Variants in TMEM132D observed in about 807,000 individuals in gnomAD.
The protein encoded by TMEM132D is transmembrane protein 132D, also known as mature OL transmembrane protein.
Under a neutral mutation model 62.3 loss-of-function variants are expected in TMEM132D, and 21 were observed. The observed-to-expected ratio is 0.34, with a 90% confidence interval of 0.24 to 0.49. The LOEUF is 0.49. Ranked by LOEUF, TMEM132D falls within the 20% of genes least tolerant of loss-of-function variation. The pLI, the probability that TMEM132D is intolerant of heterozygous loss-of-function variation, is 0.99. For missense variants in TMEM132D, 1,346 were observed against 1,402.8 expected (o/e 0.96, Z 0.65); for synonymous variants, 621 against 575.6 (o/e 1.08, Z -1.13).
chr12:129,341,412 T>G (rs1275857029), intron 3 of TMEM132D, among the ~76,000 whole-genome samples: 1 of 152,166 alleles, frequency 6.6e-6, no homozygotes, highest in Admixed American at 6.5e-5. Context: ...TGGAGGAACT[T>G]TACAAATAAA....
intron 1 of TMEM132D, among the ~76,000 whole-genome samples, chr12:129,794,902 AT>A (rs1200559893): frequency 1.8e-4 from 27 of 152,192 alleles, no homozygotes; most frequent in African/African-American, 6.3e-4. Context: ...ATGCACATAT[AT>A]GCATTTCCGG....
chr12:129,511,590 G>A (rs1021657313), intron 3 of TMEM132D, among the ~76,000 whole-genome samples: 1 of 152,174 alleles, frequency 6.6e-6, no homozygotes, highest in African/African-American at 2.4e-5. Flanking sequence ...ACAGCCAAAG[G>A]TGCTGGGAGT....
chr12:129,370,446 G>A (rs930805877), intron 3 of TMEM132D, among the ~76,000 whole-genome samples: 3 of 152,164 alleles, frequency 2.0e-5, no homozygotes, highest in Non-Finnish European at 2.9e-5. Context: ...GGTGGGAGGC[G>A]GGAGGCTGGG....
chr12:129,630,383 C>A (rs1390072555), intron 2 of TMEM132D, among the ~76,000 whole-genome samples: 1 of 151,970 alleles, frequency 6.6e-6, no homozygotes, highest in Non-Finnish European at 1.5e-5. Context: ...GATGGGTAGC[C>A]AAGGAGTATT....
intron 1 of TMEM132D, among the ~76,000 whole-genome samples, chr12:129,890,658 C>T (rs1976660): frequency 0.035 from 5,295 of 152,250 alleles, 307 homozygotes; most frequent in African/African-American, 0.12. Context: ...ACGCAATCAG[C>T]GAATTCTTCT....
intron 3 of TMEM132D, among the ~76,000 whole-genome samples, chr12:129,515,875 C>T (rs1015285677): frequency 4.6e-5 from 7 of 152,162 alleles, no homozygotes; most frequent in South Asian, 4.1e-4. Flanking sequence ...TGAAGGCTCC[C>T]GTGACATGTA....
intron 5 of TMEM132D, among the ~76,000 whole-genome samples, chr12:129,171,525 A>G (rs139564131): frequency 6.6e-6 from 1 of 152,254 alleles, no homozygotes; most frequent in African/African-American, 2.4e-5. Flanking sequence ...GCTCAGGCCC[A>G]TCAGAGGAAT....
intron 1 of TMEM132D, among the ~76,000 whole-genome samples, chr12:129,848,761 T>A (rs1873442927): frequency 6.6e-6 from 1 of 152,222 alleles, no homozygotes; most frequent in Admixed American, 6.5e-5. Flanking sequence ...GATTGATTCT[T>A]GGAGTCTCTT....
chr12:129,638,691 C>T (rs940201690), intron 2 of TMEM132D, among the ~76,000 whole-genome samples: 1 of 151,236 alleles, frequency 6.6e-6, no homozygotes, highest in Non-Finnish European at 1.5e-5. Flanking sequence ...CTGCAGTTTC[C>T]GGTATCATCA....
At chr12:129,539,065 G>A (rs1202547040) in intron 2 of TMEM132D, among the ~76,000 whole-genome samples, 2 of 152,032 alleles carry the variant, frequency 1.3e-5, no homozygotes, top group African/African-American at 4.8e-5. Flanking sequence ...TGGATGTCAG[G>A]AAGAGACCAT....
At chr12:129,879,527 C>T (rs901955400) in intron 1 of TMEM132D, among the ~76,000 whole-genome samples, 12 of 152,222 alleles carry the variant, frequency 7.9e-5, no homozygotes, top group East Asian at 1.9e-4. Context: ...CGAGAAGAAA[C>T]GTGAGTAATG....
chr12:129,436,023 AC>A (rs374609269), intron 3 of TMEM132D, among the ~76,000 whole-genome samples: 8 of 152,090 alleles, frequency 5.3e-5, no homozygotes, highest in African/African-American at 1.9e-4. Flanking sequence ...AATATGGATG[AC>A]TCAACTGACA....
intron 2 of TMEM132D, among the ~76,000 whole-genome samples, chr12:129,582,639 G>A (rs542137751): frequency 3.5e-5 from 5 of 141,816 alleles, no homozygotes; most frequent in African/African-American, 1.1e-4. Context: ...TTTTTTTTGA[G>A]ACAGAGTCTC....
chr12:129,229,290 T>A (rs970112989), intron 4 of TMEM132D, among the ~76,000 whole-genome samples: 5 of 152,384 alleles, frequency 3.3e-5, no homozygotes, highest in Middle Eastern at 3.4e-3. Context: ...GACAATATGA[T>A]GCTGTTGAGT....
At chr12:129,629,356 ATC>A (rs1273201775) in intron 2 of TMEM132D, among the ~76,000 whole-genome samples, 2 of 152,184 alleles carry the variant, frequency 1.3e-5, no homozygotes, top group Non-Finnish European at 2.9e-5. Flanking sequence ...TTTATTCACC[ATC>A]TCTGTTTTTG....
chr12:129,581,115 A>C (rs909153215), intron 2 of TMEM132D, among the ~76,000 whole-genome samples: 1 of 152,162 alleles, frequency 6.6e-6, no homozygotes, highest in Non-Finnish European at 1.5e-5. Flanking sequence ...TCCCTCTATT[A>C]GTTCCCTCGA....
intron 3 of TMEM132D, among the ~76,000 whole-genome samples, chr12:129,403,450 A>G (rs1029338682): frequency 3.3e-5 from 5 of 151,786 alleles, no homozygotes; most frequent in African/African-American, 1.2e-4. Context: ...TGGAGTGAGT[A>G]GGAAACGGCA....
rs1371256558 is a variant in TMEM132D at position 129,686,343 on chromosome 12, A to C, written c.968+13467T>G. Among the ~76,000 whole-genome samples the C allele has an allele frequency of 5.9e-5, 9 of 152,120 alleles. 1 individual carries two copies. Among genetic ancestry groups the C allele is most frequent in the Admixed American group, 5.9e-4 (9 of 15,276 alleles). On this transcript the variant is annotated intron_variant, in intron 2 of 8. Coordinates refer to ENST00000422113, the MANE Select transcript of TMEM132D (RefSeq NM_133448.3). ...CCATGCTGCTATTCTCATGATAGTGAGTGAGTTCTCATGAGATCTGATGGT... is the reference window on the plus strand; with the variant it reads ...CCATGCTGCTATTCTCATGATAGTGCGTGAGTTCTCATGAGATCTGATGGT...
At chr12:129,359,263 C>G (rs1404551602) in intron 3 of TMEM132D, among the ~76,000 whole-genome samples, 1 of 151,724 alleles carries the variant, frequency 6.6e-6, no homozygotes, top group Non-Finnish European at 1.5e-5. Context: ...GGGGCTGGGC[C>G]GGGGGACAAT....
Sources: allele counts gnomAD v4.1 joint callset (sites outside exome capture counted in the v4.1 genomes callset), GRCh38; gene constraint gnomAD v4.1.1; transcripts MANE v1.5; gene names NCBI Gene and HGNC (gene_info 2026-07-23, HGNC 2026-07-21).